The following RELCH variants were observed in gnomAD, a reference collection of about 807,000 sequenced individuals.
RELCH encodes RAB11-binding protein RELCH.
In RELCH, 41 loss-of-function variants were observed where a neutral mutation model predicts 150.3. That is an observed-to-expected ratio of 0.27 (90% CI 0.21 to 0.35). The LOEUF (loss-of-function observed/expected upper bound fraction) is 0.35, where lower values mean the gene tolerates loss of function less well. RELCH is among the 10% of genes least tolerant of loss of function. The pLI is 1.00. For synonymous variants in RELCH, 478 were observed against 531.8 expected, an observed-to-expected ratio of 0.90 and a Z score of 1.39; for missense variants, 1,092 against 1,467.8, an observed-to-expected ratio of 0.74 and a Z score of 4.18.
chr18:62,276,240 C>A (rs1401433908), intron 22 of RELCH, among the ~76,000 whole-genome samples: 1 of 152,078 alleles, frequency 6.6e-6, no homozygotes, highest in South Asian at 2.1e-4. Flanking sequence ...ATCTCTGCTA[C>A]CTAGTGACTT....
chr18:62,243,130 C>T (rs1021277322), intron 10 of RELCH, among the ~76,000 whole-genome samples: 1 of 152,032 alleles, frequency 6.6e-6, no homozygotes, highest in Non-Finnish European at 1.5e-5. Flanking sequence ...CAATAGTATA[C>T]CCTGATGATG....
Position 62,308,546 on chromosome 18 carries a change from C to T in RELCH, c.*3012C>T, listed in dbSNP as rs1364440563. The T allele has an allele frequency of 6.6e-6, 1 of 152,036 alleles. No homozygotes were observed. Among genetic ancestry groups the T allele is most frequent in the African/African-American group, 2.4e-5 (1 of 41,374 alleles). The allele number at this position is 152,036 out of a possible 1,614,324, so 9.4% of individuals were successfully genotyped here. A position where few individuals can be genotyped will look rare whatever the true frequency, so the allele number is the denominator to read the frequency against. On this transcript the variant is annotated 3_prime_UTR_variant, in exon 29 of 29. Transcript: ENST00000644646. Reference sequence around the variant, plus strand: ...ACCAGCCTGGCCAACGTGGTGAAACCCCGCCTCTAAAAATACAAAAATTAG... The same window carrying T: ...ACCAGCCTGGCCAACGTGGTGAAACTCCGCCTCTAAAAATACAAAAATTAG...
At chr18:62,272,038 A>G (rs996656539) in intron 20 of RELCH, among the ~76,000 whole-genome samples, 2 of 152,180 alleles carry the variant, frequency 1.3e-5, no homozygotes, top group Non-Finnish European at 2.9e-5. Context: ...AGTATCACAT[A>G]TTACCTTGCA....
chr18:62,240,412 T>C (rs549651531), intron 10 of RELCH, among the ~76,000 whole-genome samples: 1 of 149,556 alleles, frequency 6.7e-6, no homozygotes, highest in African/African-American at 2.5e-5. Flanking sequence ...TTTTTTCTTT[T>C]TCTTTTTTTT....
intron 17 of RELCH, 49 bp from the exon 18 acceptor site, chr18:62,264,680 A>G: frequency 7.2e-7 from 1 of 1,397,714 alleles, no homozygotes. Context: ...GCAAGGAAAC[A>G]GTAATTTATA....
At chr18:62,281,009 A>G (rs969132920) in intron 24 of RELCH, among the ~76,000 whole-genome samples, 4 of 152,200 alleles carry the variant, frequency 2.6e-5, no homozygotes, top group Non-Finnish European at 5.9e-5. Context: ...TTGGGCCAGT[A>G]AAGCCCCTTC....
At chr18:62,258,845 A>T (rs2043116778) in intron 15 of RELCH, among the ~76,000 whole-genome samples, 169 bp downstream of exon 15, 1 of 152,030 alleles carries the variant, frequency 6.6e-6, no homozygotes, top group Admixed American at 6.6e-5. Context: ...GATTTGAGGA[A>T]GTTTTGCTTT....
At chr18:62,303,680 A>C (rs2045764197) in intron 28 of RELCH, among the ~76,000 whole-genome samples, 1 of 152,238 alleles carries the variant, frequency 6.6e-6, no homozygotes, top group Non-Finnish European at 1.5e-5. Flanking sequence ...GGCAGTGGAT[A>C]GAAAGATTTG....
intron 1 of RELCH, among the ~76,000 whole-genome samples, chr18:62,204,466 G>A (rs1048801433): frequency 6.6e-6 from 1 of 151,902 alleles, no homozygotes; most frequent in Non-Finnish European, 1.5e-5. Flanking sequence ...CTCCTAGCTG[G>A]GACTGCAGGA....
chr18:62,272,266 A>G (rs998876679), intron 20 of RELCH, among the ~76,000 whole-genome samples: 2 of 152,150 alleles, frequency 1.3e-5, no homozygotes, highest in African/African-American at 4.8e-5. Flanking sequence ...ACCATTCTCT[A>G]ACTTTGGAAA....
intron 20 of RELCH, among the ~76,000 whole-genome samples, chr18:62,269,878 G>T (rs1195216843): frequency 1.3e-5 from 2 of 152,096 alleles, no homozygotes; most frequent in Non-Finnish European, 2.9e-5. Context: ...TACTCACAAA[G>T]TTTCAAATTT....
At chr18:62,200,531 G>T (rs948741669) in intron 1 of RELCH, among the ~76,000 whole-genome samples, 1 of 151,450 alleles carries the variant, frequency 6.6e-6, no homozygotes, top group Non-Finnish European at 1.5e-5. Context: ...TGTGAGTGCC[G>T]CAGTTGCTAA....
chr18:62,222,016 G>T (rs936197712), intron 5 of RELCH, among the ~76,000 whole-genome samples: 1 of 151,848 alleles, frequency 6.6e-6, no homozygotes, highest in Non-Finnish European at 1.5e-5. Flanking sequence ...AAGCAAAAAA[G>T]ATGTCTTATT....
chr18:62,258,030 T>G lies in RELCH; in HGVS notation c.1979T>G (p.Val660Gly). The G allele has an allele frequency of 6.2e-7, 1 of 1,609,020 alleles. No individual in the cohort carries two copies. Among genetic ancestry groups the G allele is most frequent in the Non-Finnish European group, 8.5e-7 (1 of 1,177,138 alleles). Residue 660 changes from valine (V) to glycine (G), a missense_variant, in exon 14 of 29, where the codon GTT becomes GGT. By Grantham distance (109) the Val-to-Gly change is moderately radical. Around this residue, in one of 4 missense-constraint regions of RELCH, gnomAD observed 707 missense variants for 1,025.4 expected, o/e 0.69. Transcript: ENST00000644646. Reference protein sequence around the residue: ...EDKADLVREAVIKSLGIIMGY... With the variant: ...EDKADLVREAGIKSLGIIMGY... ...AAGGCAGATTTGGTAAGAGAAGCTG[T>G]TATCAAAAGCCTTGGTATCATTATG...
At chr18:62,229,252 G>A (rs767024030) in intron 8 of RELCH, among the ~76,000 whole-genome samples, 1 of 152,000 alleles carries the variant, frequency 6.6e-6, no homozygotes, top group South Asian at 2.1e-4. Context: ...AATGCTTTAT[G>A]TATACTAACT....
chr18:62,292,214 A>T (rs997506053), intron 27 of RELCH, among the ~76,000 whole-genome samples: 1 of 152,168 alleles, frequency 6.6e-6, no homozygotes, highest in Non-Finnish European at 1.5e-5. Context: ...TTGGTACATC[A>T]TATTCCCTGC....
chr18:62,265,343 A>G (rs982047589), intron 18 of RELCH, among the ~76,000 whole-genome samples: 2 of 152,046 alleles, frequency 1.3e-5, no homozygotes, highest in African/African-American at 4.8e-5. Flanking sequence ...TGTTTCAGTC[A>G]TTACCAAAAG....
intron 25 of RELCH, among the ~76,000 whole-genome samples, chr18:62,285,224 G>A (rs970900408): frequency 1.3e-5 from 2 of 151,962 alleles, no homozygotes; most frequent in African/African-American, 4.8e-5. Flanking sequence ...TGCAACCTGC[G>A]CCTCCCTGGT....
At chr18:62,220,962 C>A in intron 2 of RELCH, 75 bp from the exon 3 acceptor site, 1 of 1,193,138 alleles carries the variant, frequency 8.4e-7, no homozygotes, top group Non-Finnish European at 1.2e-6. Context: ...CCCATCCTTG[C>A]TTTTTATTTT....
Sources: gnomAD v4.1 joint callset for allele counts (sites outside exome capture counted in the v4.1 genomes callset) on GRCh38, gnomAD v4.1.1 for gene constraint, gnomAD v4.1.1 regional missense constraint, MANE v1.5 for transcripts, NCBI Gene and HGNC (gene_info 2026-07-23, HGNC 2026-07-21) for gene names.